IFT88: variants seen among roughly 807,000 people sequenced by gnomAD.
IFT88 encodes intraflagellar transport protein 88 homolog.
A neutral mutation model predicts 119.5 loss-of-function variants in IFT88; 74 were observed. The observed-to-expected ratio is 0.62, with a 90% confidence interval of 0.51 to 0.75. The LOEUF (loss-of-function observed/expected upper bound fraction) is 0.75, where lower values mean the gene tolerates loss of function less well. Among genes scored for constraint, IFT88 ranks in the 30% least tolerant of loss-of-function variants. The probability of loss-of-function intolerance (pLI) is 0.00; values close to 1 mark genes in which losing one functional copy is unlikely to be tolerated. For synonymous variants in IFT88, 279 were observed against 316.7 expected, an observed-to-expected ratio of 0.88 and a Z score of 1.26; for missense variants, 961 against 977.7, an observed-to-expected ratio of 0.98 and a Z score of 0.23.
chr13:20,672,438 C>T (rs896476257), intron 24 of IFT88, among the ~76,000 whole-genome samples: 1 of 152,210 alleles, frequency 6.6e-6, no homozygotes, highest in African/African-American at 2.4e-5. Context: ...CCACTTCCAT[C>T]TCTTCAGCCA....
chr13:20,662,525 C>A (rs774507532), intron 22 of IFT88, among the ~76,000 whole-genome samples: 4 of 152,098 alleles, frequency 2.6e-5, no homozygotes, highest in Admixed American at 6.5e-5. Context: ...GACCAATATC[C>A]CTGATGAACA....
At chr13:20,620,328 A>G (rs1053342646) in intron 14 of IFT88, among the ~76,000 whole-genome samples, 10 of 152,092 alleles carry the variant, frequency 6.6e-5, no homozygotes, top group Non-Finnish European at 1.2e-4. Flanking sequence ...CCAAGTGACT[A>G]TATATTGGTC....
At position 20,638,339 on chromosome 13, in the gene IFT88, A is replaced by T; in HGVS notation, c.1394A>T (p.Asp465Val). ...NLSALYYMGKDFAQASSYADI... is the reference protein window; with the variant it reads ...NLSALYYMGKVFAQASSYADI... ...TATATGTATTTTACTTAGGGAAAGG[A>T]TTTTGCACAAGCCAGCAGCTATGCA... The change falls in exon 17 of 26, where the codon GAT becomes GTT. Residue 465 changes from aspartate (D) to valine (V), a missense_variant. Coordinates refer to ENST00000351808, the MANE Select transcript of IFT88 (RefSeq NM_006531.5). 3 of 1,346,796 alleles carry T rather than the reference A, an allele frequency of 2.2e-6. No homozygotes were observed. The highest frequency in any genetic ancestry group is 2.9e-6 in the Non-Finnish European group (3 of 1,039,372). 83.4% of individuals were successfully genotyped at this position (1,346,796 alleles called of 1,614,324 possible).
At chr13:20,591,824 A>G (rs2040738513) in intron 6 of IFT88, 143 bp downstream of exon 6, 2 of 583,986 alleles carry the variant, frequency 3.4e-6, no homozygotes, top group South Asian at 2.2e-5. Flanking sequence ...GGTACCATTA[A>G]GAAAGGAAAA....
intron 23 of IFT88, among the ~76,000 whole-genome samples, chr13:20,665,474 A>T (rs1300990506): frequency 6.6e-6 from 1 of 152,242 alleles, no homozygotes. Context: ...TGCAATTTTT[A>T]AAAAATTCTA....
intron 1 of IFT88, among the ~76,000 whole-genome samples, chr13:20,572,738 A>G (rs1475476908): frequency 6.6e-6 from 1 of 152,146 alleles, no homozygotes; most frequent in African/African-American, 2.4e-5. Context: ...AACATTTATC[A>G]TCACCCCAGA....
intron 23 of IFT88, among the ~76,000 whole-genome samples, chr13:20,669,424 ATT>A (rs34389525): frequency 1.1e-3 from 156 of 142,994 alleles, no homozygotes; most frequent in Non-Finnish European, 9.8e-4. Context: ...TATTTTCAGC[ATT>A]TTTTTTTTTT....
At chr13:20,599,629 T>G in intron 11 of IFT88, 64 bp downstream of exon 11, 1 of 724,606 alleles carries the variant, frequency 1.4e-6, no homozygotes, top group Non-Finnish European at 2.4e-6. Context: ...AAGATAACTC[T>G]TCTGACCTGT....
At chr13:20,568,044 G>T in intron 1 of IFT88, 1 of 711,760 alleles carries the variant, frequency 1.4e-6, no homozygotes. Context: ...ATCTCATAAT[G>T]CTTCCAGAAA....
chr13:20,607,865 A>G, intron 13 of IFT88: 2 of 717,118 alleles, frequency 2.8e-6, no homozygotes, highest in Admixed American at 3.5e-5. Flanking sequence ...ATGCTGCCCA[A>G]CCCAGTCACC....
Position 20,599,131 on chromosome 13 carries a change from A to G in IFT88, c.698-320A>G, listed in dbSNP as rs117316926. On this transcript the variant is annotated intron_variant, in intron 10 of 25. Coordinates refer to ENST00000351808, the MANE Select transcript of IFT88 (RefSeq NM_006531.5). ...GAATGTCGTTTCCTTTAATATTATTAAAATGTATGTGGCATTCTTGAGTCT... is the reference window on the plus strand; with the variant it reads ...GAATGTCGTTTCCTTTAATATTATTGAAATGTATGTGGCATTCTTGAGTCT... Among the ~76,000 whole-genome samples, 3 of 152,190 alleles carry G rather than the reference A, an allele frequency of 2.0e-5. No homozygotes were observed. In the East Asian group the frequency reaches 5.8e-4, roughly 29 times the overall value.
At chr13:20,592,280 T>C (rs2040809282) in intron 6 of IFT88, 55 bp from the exon 7 acceptor site, 2 of 1,298,968 alleles carry the variant, frequency 1.5e-6, no homozygotes, top group African/African-American at 1.5e-5. Context: ...TTTTCATATA[T>C]TCTTCGATTT....
rs763645388 is a variant in IFT88 at position 20,597,097 on chromosome 13, T to C, written c.572T>C (p.Ile191Thr). ...GAACAAGTTACAACTCCAGAAAATA[T>C]CAATTTGGATTTAACTTACTCAGTA... ...QREQVTTPEN[I>T]NLDLTYSVLF... is the part of the protein sequence containing the mutation. Residue 191 changes from isoleucine (I) to threonine (T), a missense_variant, in exon 9 of 26, where the codon ATC becomes ACC. Transcript: ENST00000351808. 8 of 1,593,450 alleles carry C rather than the reference T, an allele frequency of 5.0e-6. No homozygotes were observed. The highest frequency in any genetic ancestry group is 1.1e-5 in the South Asian group (1 of 87,930).
rs139453614 is a variant in IFT88 at position 20,581,436 on chromosome 13, A to G, written c.91-1521A>G. On this transcript the variant is annotated intron_variant, in intron 2 of 25. Transcript: ENST00000351808. Reference sequence around the variant, plus strand: ...AATCTTAAGGGAAATTTTTTTACCCAAAGATCTGCTAAAGTAGAAGTATAA... The same window carrying G: ...AATCTTAAGGGAAATTTTTTTACCCGAAGATCTGCTAAAGTAGAAGTATAA... 5.4e-4 allele frequency among the ~76,000 whole-genome samples: 82 copies of G among 152,336 alleles called. No homozygotes were observed. The East Asian group carries it at 7.3e-3, about 14-fold the overall frequency.
chr13:20,624,601 A>T (rs1299687378), intron 14 of IFT88, among the ~76,000 whole-genome samples: 1 of 152,150 alleles, frequency 6.6e-6, no homozygotes, highest in Non-Finnish European at 1.5e-5. Flanking sequence ...AAACCTATAT[A>T]TATATCATAA....
intron 11 of IFT88, 83 bp downstream of exon 11, chr13:20,599,648 G>T: frequency 1.5e-6 from 1 of 650,134 alleles, no homozygotes; most frequent in South Asian, 2.0e-5. Context: ...GTTTTCAGTG[G>T]GTTGAACATT....
chr13:20,588,995 G>A lies in IFT88; in HGVS notation c.154-816G>A, dbSNP rs117789299. Among the ~76,000 whole-genome samples the A allele has an allele frequency of 5.1e-4, 78 of 152,280 alleles. No homozygotes were observed. The East Asian group carries it at 6.8e-3, about 13-fold the overall frequency. Reference sequence around the variant, plus strand: ...TCAGGCTGTGAGTCTCAAAAGCTGTGTCCAGTGTCTCAGACTTGTCTTTGG... The same window carrying A: ...TCAGGCTGTGAGTCTCAAAAGCTGTATCCAGTGTCTCAGACTTGTCTTTGG... On this transcript the variant is annotated intron_variant, in intron 3 of 25. Transcript: ENST00000351808.
At chr13:20,597,769 AT>A (rs1181805946) in intron 9 of IFT88, among the ~76,000 whole-genome samples, 15 of 143,838 alleles carry the variant, frequency 1.0e-4, no homozygotes, top group Middle Eastern at 3.3e-3. Flanking sequence ...ATATATATAT[AT>A]TTTTTTTTTG....
At chr13:20,644,495 G>A (rs75096842) in intron 19 of IFT88, among the ~76,000 whole-genome samples, 1 of 151,838 alleles carries the variant, frequency 6.6e-6, no homozygotes, top group Admixed American at 6.6e-5. Flanking sequence ...GAGCGAGACT[G>A]TCTTAAAATA....
Sources: allele counts gnomAD v4.1 joint callset (sites outside exome capture counted in the v4.1 genomes callset), GRCh38; gene constraint gnomAD v4.1.1; transcripts MANE v1.5; gene names NCBI Gene and HGNC (gene_info 2026-07-23, HGNC 2026-07-21).